KLHL1: variants seen among roughly 807,000 people sequenced by gnomAD.
The protein encoded by KLHL1 is kelch-like protein 1.
KLHL1 carries 47 observed loss-of-function variants against 77.7 expected under a neutral mutation model. That is an observed-to-expected ratio of 0.60 (90% CI 0.48 to 0.77). The LOEUF (loss-of-function observed/expected upper bound fraction) is 0.77, where lower values mean the gene tolerates loss of function less well. Among genes scored for constraint, KLHL1 ranks in the 30% least tolerant of loss-of-function variants. The probability of loss-of-function intolerance (pLI) is 0.00; values close to 1 mark genes in which losing one functional copy is unlikely to be tolerated. For missense variants in KLHL1, 925 were observed against 910.8 expected, an observed-to-expected ratio of 1.02 and a Z score of -0.20; for synonymous variants, 360 against 325.2, an observed-to-expected ratio of 1.11 and a Z score of -1.15.
At chr13:70,038,440 T>C (rs946044771) in intron 1 of KLHL1, among the ~76,000 whole-genome samples, 4 of 152,304 alleles carry the variant, frequency 2.6e-5, no homozygotes, top group South Asian at 2.1e-4. Flanking sequence ...TGCTGGGTCA[T>C]GTGCTAAGAG....
chr13:69,715,829 G>C (rs943516026), intron 9 of KLHL1, among the ~76,000 whole-genome samples: 3 of 152,052 alleles, frequency 2.0e-5, no homozygotes, highest in South Asian at 2.1e-4. Flanking sequence ...AAGGGGAAGG[G>C]AGAAGAAGCA....
intron 1 of KLHL1, among the ~76,000 whole-genome samples, chr13:69,999,291 A>G (rs1031129741): frequency 6.6e-6 from 1 of 151,968 alleles, no homozygotes; most frequent in Non-Finnish European, 1.5e-5. Context: ...TGAGAGCATG[A>G]TTACCGGAAG....
intron 10 of KLHL1, among the ~76,000 whole-genome samples, chr13:69,703,442 T>C (rs1483687141): frequency 6.9e-6 from 1 of 144,482 alleles, no homozygotes; most frequent in Non-Finnish European, 1.5e-5. Flanking sequence ...TTTAAGAGTT[T>C]AAAAAGTAAA....
At chr13:69,862,144 A>G (rs1169292625) in intron 5 of KLHL1, among the ~76,000 whole-genome samples, 2 of 152,040 alleles carry the variant, frequency 1.3e-5, no homozygotes, top group East Asian at 3.9e-4. Flanking sequence ...ACATGATAAC[A>G]TAATAAAGAT....
intron 3 of KLHL1, among the ~76,000 whole-genome samples, chr13:69,941,299 C>A (rs900308105): frequency 6.6e-6 from 1 of 151,896 alleles, no homozygotes; most frequent in African/African-American, 2.4e-5. Flanking sequence ...CAAAAGGAAA[C>A]CTCAAAACTA....
intron 6 of KLHL1, among the ~76,000 whole-genome samples, chr13:69,809,465 A>T (rs1339002879): frequency 6.6e-6 from 1 of 152,170 alleles, no homozygotes; most frequent in Non-Finnish European, 1.5e-5. Context: ...ACAAAGCTTC[A>T]TAAATAAAGG....
At chr13:70,085,819 G>T (rs188899797) in intron 1 of KLHL1, among the ~76,000 whole-genome samples, 2 of 152,012 alleles carry the variant, frequency 1.3e-5, no homozygotes, top group Admixed American at 1.3e-4. Context: ...AGCCGAGATC[G>T]CACCACTGCA....
chr13:70,082,995 G>T (rs1340627304), intron 1 of KLHL1, among the ~76,000 whole-genome samples: 1 of 151,996 alleles, frequency 6.6e-6, no homozygotes, highest in Non-Finnish European at 1.5e-5. Context: ...GGGGCCCAGG[G>T]TTGAAAAACT....
chr13:69,765,417 C>G (rs779970971), intron 7 of KLHL1, among the ~76,000 whole-genome samples: 10 of 152,084 alleles, frequency 6.6e-5, no homozygotes, highest in Non-Finnish European at 1.3e-4. Context: ...CTTTGCTTTG[C>G]TATCACATAA....
intron 6 of KLHL1, among the ~76,000 whole-genome samples, chr13:69,832,996 A>C (rs1878824488): frequency 6.6e-6 from 1 of 152,184 alleles, no homozygotes; most frequent in Non-Finnish European, 1.5e-5. Context: ...AGTCACTAAA[A>C]ATGTAGAAGA....
intron 4 of KLHL1, among the ~76,000 whole-genome samples, chr13:69,926,756 G>A (rs1882826310): frequency 2.0e-5 from 3 of 151,624 alleles, no homozygotes. Context: ...GACCATCCTG[G>A]CAAACATGTT....
At chr13:69,707,583 A>C (rs751184634) in intron 10 of KLHL1, 42 bp downstream of exon 10, 1 of 1,560,244 alleles carries the variant, frequency 6.4e-7, no homozygotes. Context: ...AAATGAAATA[A>C]ATTCTTATCC....
chr13:69,962,694 A>G (rs1298350990), intron 2 of KLHL1, among the ~76,000 whole-genome samples: 4 of 149,720 alleles, frequency 2.7e-5, no homozygotes, highest in Admixed American at 6.6e-5. Context: ...GAAAAAAATT[A>G]TGATATTTTC....
At chr13:69,780,733 C>CATATATATATATAT (rs1217018845) in intron 7 of KLHL1, among the ~76,000 whole-genome samples, 3 of 42,080 alleles carry the variant, frequency 7.1e-5, no homozygotes, top group Non-Finnish European at 1.5e-4. Context: ...TATATATATA[C>CATATATATATATAT]ATATATATAT....
At chr13:69,876,855 T>C (rs905954476) in intron 5 of KLHL1, among the ~76,000 whole-genome samples, 2 of 152,108 alleles carry the variant, frequency 1.3e-5, no homozygotes, top group Admixed American at 1.3e-4. Flanking sequence ...CTGACCAGTG[T>C]GGCAAAACCC....
chr13:69,820,769 C>T (rs1045192082), intron 6 of KLHL1, among the ~76,000 whole-genome samples: 2 of 152,294 alleles, frequency 1.3e-5, no homozygotes, highest in East Asian at 1.9e-4. Context: ...CAGGAGGTTG[C>T]CCGTGCTGTG....
chr13:70,103,196 T>C (rs1479854997), intron 1 of KLHL1, among the ~76,000 whole-genome samples: 1 of 152,102 alleles, frequency 6.6e-6, no homozygotes, highest in Non-Finnish European at 1.5e-5. Flanking sequence ...GGATAGTCTC[T>C]ATGCAAAGAA....
intron 1 of KLHL1, among the ~76,000 whole-genome samples, chr13:70,054,283 T>A (rs1566536199): frequency 6.7e-6 from 1 of 150,028 alleles, no homozygotes; most frequent in East Asian, 1.9e-4. Flanking sequence ...AAACTTTAAA[T>A]AATACAAATC....
chr13:69,823,481 A>C (rs888222584), intron 6 of KLHL1, among the ~76,000 whole-genome samples: 6 of 152,038 alleles, frequency 3.9e-5, no homozygotes, highest in African/African-American at 1.4e-4. Flanking sequence ...TATTTTAAAA[A>C]TTATTTACAT....
Sources: gnomAD v4.1 joint callset for allele counts (sites outside exome capture counted in the v4.1 genomes callset) on GRCh38, gnomAD v4.1.1 for gene constraint, MANE v1.5 for transcripts, NCBI Gene and HGNC (gene_info 2026-07-23, HGNC 2026-07-21) for gene names.